Variants in FOXN3 observed in about 807,000 individuals in gnomAD.
FOXN3 encodes forkhead box protein N3.
In FOXN3, 7 loss-of-function variants were observed where a neutral mutation model predicts 38.4. The observed-to-expected ratio is 0.18, with a 90% confidence interval of 0.10 to 0.34. The LOEUF (loss-of-function observed/expected upper bound fraction) is 0.34. FOXN3 is among the 10% of genes least tolerant of loss of function. The pLI, the probability that FOXN3 is intolerant of heterozygous loss-of-function variation, is 1.00. For missense variants in FOXN3, 456 were observed against 613.4 expected (o/e 0.74, Z 2.71); for synonymous variants, 230 against 242.2 (o/e 0.95, Z 0.47).
intron 2 of FOXN3, among the ~76,000 whole-genome samples, chr14:89,392,880 C>T (rs143405996): frequency 8.0e-5 from 12 of 150,332 alleles, no homozygotes; most frequent in African/African-American, 2.4e-4. Context: ...GATATCAGTT[C>T]AGTGCAACCT....
At chr14:89,353,435 G>A (rs554294549) in intron 2 of FOXN3, 3 of 152,138 alleles carry the variant, frequency 2.0e-5, no homozygotes, top group South Asian at 4.1e-4. Flanking sequence ...CAGATGGGAC[G>A]AGTGAAGATA....
chr14:89,162,935 T>C lies in FOXN3; in HGVS notation c.886A>G (p.Ser296Gly), dbSNP rs1306450089. Residue 296 changes from serine to glycine, a missense_variant, in exon 6 of 6, where the codon AGT (serine) becomes GGT (glycine). This residue lies in a region of FOXN3 where 386 missense variants were observed against 505.2 expected (regional missense o/e 0.76). Transcript: ENST00000557258. This position sits in a 1 kb window ranked among gnomAD's most constrained non-coding sequence, Gnocchi z 7.2. ...ACTGGGGAGCCACAAGATGGCTCAC[T>C]CTCAGTCCGCATCCGGCAGCTGGTG... ...GITSCRMRTE[S>G]EPSCGSPVVS... is the part of the protein sequence containing the mutation. 1.2e-5 allele frequency: 19 copies of C among 1,581,646 alleles called. No individual in the cohort carries two copies. The highest frequency in any genetic ancestry group is 1.6e-5 in the Non-Finnish European group (19 of 1,160,482).
intron 3 of FOXN3, among the ~76,000 whole-genome samples, chr14:89,295,933 T>A (rs1168704562): frequency 6.6e-6 from 1 of 151,808 alleles, no homozygotes; most frequent in Non-Finnish European, 1.5e-5. Flanking sequence ...CATAATTAAA[T>A]CTCTCACAAA....
intron 1 of FOXN3, among the ~76,000 whole-genome samples, chr14:89,595,222 G>A (rs1896033803): frequency 6.6e-6 from 1 of 151,968 alleles, no homozygotes; most frequent in Non-Finnish European, 1.5e-5. Flanking sequence ...CTACTCAGGA[G>A]GCTGAGGCAG....
intron 2 of FOXN3, among the ~76,000 whole-genome samples, chr14:89,381,800 C>A (rs1890655843): frequency 6.6e-6 from 1 of 150,624 alleles, no homozygotes; most frequent in African/African-American, 2.4e-5. Flanking sequence ...TTCAAGGCTG[C>A]ACTGAGCTGT....
At chr14:89,209,543 T>G (rs1012321590) in intron 4 of FOXN3, among the ~76,000 whole-genome samples, 16 of 152,220 alleles carry the variant, frequency 1.1e-4, no homozygotes, top group Admixed American at 9.8e-4. Context: ...CTTGAAGGCA[T>G]GGGCTTTGAA....
At chr14:89,385,296 T>C (rs2140071170) in intron 2 of FOXN3, among the ~76,000 whole-genome samples, 1 of 152,172 alleles carries the variant, frequency 6.6e-6, no homozygotes, top group South Asian at 2.1e-4. Flanking sequence ...CCAATATCTA[T>C]AGAGAGGGTC....
At chr14:89,192,035 A>G (rs1887963526) in intron 4 of FOXN3, among the ~76,000 whole-genome samples, 1 of 146,692 alleles carries the variant, frequency 6.8e-6, no homozygotes, top group South Asian at 2.1e-4. Flanking sequence ...ACTAACATAT[A>G]TAAACTATTA....
At position 89,161,506 on chromosome 14, in the gene FOXN3, G is replaced by C. The variant is rs770742413; in HGVS notation, c.*908C>G. 3.3e-5 allele frequency: 5 copies of C among 149,896 alleles called. No individual in the cohort carries two copies. Among genetic ancestry groups the C allele is most frequent in the Non-Finnish European group, 7.3e-5 (5 of 68,074 alleles). The allele number at this position is 149,896 out of a possible 1,614,324, so 9.3% of individuals were successfully genotyped here. ...GACTTGGTTGCTTTTCACTTGGGCA[G>C]TTAAGAAGACACAGCTTGTTTTCCC... On this transcript the variant is annotated 3_prime_UTR_variant, in exon 6 of 6. Coordinates refer to ENST00000557258, the MANE Select transcript of FOXN3 (RefSeq NM_005197.4).
intron 2 of FOXN3, among the ~76,000 whole-genome samples, chr14:89,368,324 C>T (rs1271632800): frequency 8.5e-6 from 1 of 117,462 alleles, no homozygotes; most frequent in African/African-American, 2.8e-5. Context: ...GAGTGAAACT[C>T]TGTCTCAAAA....
intron 1 of FOXN3, among the ~76,000 whole-genome samples, chr14:89,568,473 C>T (rs1895412870): frequency 6.6e-6 from 1 of 152,212 alleles, no homozygotes; most frequent in South Asian, 2.1e-4. Context: ...TCCACAAGCC[C>T]CAGGGTCTTT....
intron 3 of FOXN3, among the ~76,000 whole-genome samples, chr14:89,308,135 C>A (rs929977490): frequency 2.0e-5 from 3 of 152,096 alleles, no homozygotes; most frequent in Admixed American, 1.3e-4. Context: ...CGTGGTGGCA[C>A]CCGCCTATAA....
At chr14:89,171,436 A>G (rs1022646054) in intron 5 of FOXN3, among the ~76,000 whole-genome samples, 31 of 152,186 alleles carry the variant, frequency 2.0e-4, no homozygotes, top group African/African-American at 7.2e-4. Context: ...GGCTAATGTA[A>G]TCTTGACACT....
intron 2 of FOXN3, among the ~76,000 whole-genome samples, chr14:89,392,637 C>CTTTTTTTTTTTTT (rs71130072): frequency 8.4e-6 from 1 of 119,272 alleles, no homozygotes; most frequent in Admixed American, 8.1e-5. Flanking sequence ...TGTGTCTCGT[C>CTTTTTTTTTTTTT]TTTTTTTTTT....
intron 2 of FOXN3, among the ~76,000 whole-genome samples, chr14:89,393,875 G>T (rs1791039038): frequency 1.3e-5 from 2 of 152,188 alleles, no homozygotes; most frequent in Admixed American, 1.3e-4. Flanking sequence ...GACAAGGGAA[G>T]ATCACAAGTA....
At chr14:89,422,099 T>A (rs575706378), upstream of FOXN3, among the ~76,000 whole-genome samples, 4 of 150,900 alleles carry the variant, frequency 2.7e-5, no homozygotes, top group East Asian at 8.0e-4. Flanking sequence ...CTCAAACTCC[T>A]GGTCTCAAGC....
chr14:89,488,455 G>C (rs1566672962), intron 1 of FOXN3, among the ~76,000 whole-genome samples: 2 of 151,866 alleles, frequency 1.3e-5, no homozygotes, highest in African/African-American at 4.8e-5. Flanking sequence ...AAACCAGCCT[G>C]GGCAACGGGG....
intron 1 of FOXN3, among the ~76,000 whole-genome samples, chr14:89,475,746 G>A (rs898266693): frequency 9.2e-5 from 14 of 152,168 alleles, no homozygotes; most frequent in African/African-American, 3.4e-4. Flanking sequence ...CCATAAAAGA[G>A]CAACCAGCAG....
At chr14:89,188,273 T>G (rs1017868201) in intron 4 of FOXN3, among the ~76,000 whole-genome samples, 3 of 152,186 alleles carry the variant, frequency 2.0e-5, no homozygotes, top group Non-Finnish European at 2.9e-5. Flanking sequence ...ATTACAGAGT[T>G]GGAGAGGGGA....
Sources: gnomAD v4.1 joint callset for allele counts (sites outside exome capture counted in the v4.1 genomes callset) on GRCh38, gnomAD v4.1.1 for gene constraint, gnomAD v4.1.1 regional missense constraint, Gnocchi (gnomAD v3.1) non-coding constraint, MANE v1.5 for transcripts, NCBI Gene and HGNC (gene_info 2026-07-23, HGNC 2026-07-21) for gene names.